Variants in CLOCK observed in about 807,000 individuals in gnomAD.
The protein encoded by CLOCK is circadian locomoter output cycles protein kaput.
CLOCK carries 43 observed loss-of-function variants against 118.4 expected under a neutral mutation model. The observed-to-expected ratio is 0.36, with a 90% CI of 0.28 to 0.47. The LOEUF (loss-of-function observed/expected upper bound fraction) is 0.47, where lower values mean the gene tolerates loss of function less well. Ranked by LOEUF, CLOCK falls within the 20% of genes least tolerant of loss-of-function variation. The pLI is 1.00. For synonymous variants in CLOCK, 326 were observed against 339.2 expected (o/e 0.96, Z 0.43); for missense variants, 846 against 999.9 (o/e 0.85, Z 2.08).
chr4:55,485,927 TC>T (rs1250839457), intron 3 of CLOCK, among the ~76,000 whole-genome samples: 1 of 151,944 alleles, frequency 6.6e-6, no homozygotes, highest in Non-Finnish European at 1.5e-5. Flanking sequence ...AAAACAAAGT[TC>T]CCCAACTATA....
chr4:55,485,076 G>GC, intron 3 of CLOCK, among the ~76,000 whole-genome samples: 2 of 152,016 alleles, frequency 1.3e-5, no homozygotes, highest in Middle Eastern at 3.4e-3. Flanking sequence ...TGATTCTCCT[G>GC]CCTCAGCCTC....
At chr4:55,499,565 GCTA>G (rs1393514726) in intron 2 of CLOCK, among the ~76,000 whole-genome samples, 1 of 152,248 alleles carries the variant, frequency 6.6e-6, no homozygotes, top group African/African-American at 2.4e-5. Context: ...ATCTAATGCT[GCTA>G]CTGATATGAC....
intron 1 of CLOCK, among the ~76,000 whole-genome samples, chr4:55,535,925 C>A (rs1730866601): frequency 1.3e-5 from 2 of 151,932 alleles, no homozygotes; most frequent in East Asian, 3.9e-4. Context: ...GGGTTAGAGG[C>A]TGAAAATTGA....
At chr4:55,464,324 T>C (rs1218419068) in intron 8 of CLOCK, among the ~76,000 whole-genome samples, 1 of 152,236 alleles carries the variant, frequency 6.6e-6, no homozygotes, top group Non-Finnish European at 1.5e-5. Context: ...AAAGGACAAC[T>C]AATATGTTAA....
rs754251039 is a variant in CLOCK, at chr4:55,443,725, T to C, written c.1864A>G (p.Met622Val). Reference protein sequence around the residue: ...NTGHIGTTQHMIQQQTLQSTS... With the variant: ...NTGHIGTTQHVIQQQTLQSTS... ...CTCTGTAAAGTCTGTTGTTGTATCATGTGCTGAGTTGTGCCAATGTGTCCA... is the reference window on the plus strand; with the variant it reads ...CTCTGTAAAGTCTGTTGTTGTATCACGTGCTGAGTTGTGCCAATGTGTCCA... The change falls in exon 20 of 23, where the codon ATG becomes GTG. Residue 622 changes from methionine to valine, a missense_variant. This residue lies in a region of CLOCK where 520 missense variants were observed against 558.0 expected (regional missense o/e 0.93). Transcript: ENST00000513440. The C allele has an allele frequency of 1.2e-6, 2 of 1,614,018 alleles. No individual in the cohort carries two copies. Among genetic ancestry groups the C allele is most frequent in the African/African-American group, 1.3e-5 (1 of 74,948 alleles).
chr4:55,471,238 A>G (rs965886591), intron 7 of CLOCK, among the ~76,000 whole-genome samples: 4 of 152,212 alleles, frequency 2.6e-5, no homozygotes, highest in African/African-American at 4.8e-5. Flanking sequence ...CTGAAGTTTA[A>G]GGAGATATAT....
intron 9 of CLOCK, among the ~76,000 whole-genome samples, chr4:55,459,821 C>T (rs1725200074): frequency 6.6e-6 from 1 of 152,104 alleles, no homozygotes; most frequent in African/African-American, 2.4e-5. Flanking sequence ...AGCCACCATG[C>T]CTGGCTAATT....
intron 2 of CLOCK, 129 bp downstream of exon 2, chr4:55,509,783 T>C (rs1444232181): frequency 6.6e-6 from 1 of 152,156 alleles, no homozygotes; most frequent in Non-Finnish European, 1.5e-5. Flanking sequence ...TAAAGATAAA[T>C]AAAAGCTGCC....
At chr4:55,519,813 T>A (rs1376975112) in intron 1 of CLOCK, among the ~76,000 whole-genome samples, 2 of 151,874 alleles carry the variant, frequency 1.3e-5, no homozygotes, top group Non-Finnish European at 2.9e-5. Flanking sequence ...TAAATAAACA[T>A]CATTGAACAT....
chr4:55,477,162 C>G (rs1382984803), intron 6 of CLOCK, among the ~76,000 whole-genome samples: 1 of 151,780 alleles, frequency 6.6e-6, no homozygotes, highest in Non-Finnish European at 1.5e-5. Context: ...ATATAAAATC[C>G]TTTTACCTTA....
intron 2 of CLOCK, among the ~76,000 whole-genome samples, chr4:55,491,602 C>A (rs1184697127): frequency 3.3e-5 from 5 of 151,980 alleles, no homozygotes. Context: ...TAGAAATATG[C>A]CATCTACCAC....
Position 55,470,739 on chromosome 4 carries a change from G to T in CLOCK, c.416C>A (p.Thr139Asn), listed in dbSNP as rs766067893. Residue 139 changes from threonine to asparagine, a missense_variant, in exon 8 of 23, where the codon ACT becomes AAT. By Grantham distance (65) the Thr-to-Asn change is moderately conservative. Transcript: ENST00000513440. ...TACTGGTAAATGTTCAAGTAATGAA[G>T]TTACACTCTCAGACACATATATTAT... ...GSIIYVSESV[T>N]SLLEHLPSDL... 1.6e-5 allele frequency: 25 copies of T among 1,607,830 alleles called. No individual in the cohort carries two copies. The highest frequency in any genetic ancestry group is 3.3e-5 in the Admixed American group (2 of 59,898).
chr4:55,463,388 T>C (rs1267292888), intron 9 of CLOCK, among the ~76,000 whole-genome samples: 1 of 152,092 alleles, frequency 6.6e-6, no homozygotes, highest in African/African-American at 2.4e-5. Flanking sequence ...TATTTATAAA[T>C]TAATAACTAT....
At chr4:55,444,815 T>C in intron 18 of CLOCK, 30 bp from the exon 19 acceptor site, 2 of 1,607,284 alleles carry the variant, frequency 1.2e-6, no homozygotes, top group South Asian at 1.1e-5. Flanking sequence ...AAAAGTGTAA[T>C]ATATTTTAGA....
chr4:55,546,459 C>T (rs1484986458), intron 1 of CLOCK: 2 of 152,126 alleles, frequency 1.3e-5, no homozygotes, highest in African/African-American at 4.8e-5. Context: ...CCCCCCGCTC[C>T]CTCCCCTTCC....
chr4:55,460,774 A>G (rs1029615610), intron 9 of CLOCK, among the ~76,000 whole-genome samples: 1 of 152,174 alleles, frequency 6.6e-6, no homozygotes, highest in African/African-American at 2.4e-5. Flanking sequence ...TTCGGTTATT[A>G]TCATCATAGA....
intron 1 of CLOCK, among the ~76,000 whole-genome samples, chr4:55,517,392 C>T (rs1297357185): frequency 6.6e-6 from 1 of 152,142 alleles, no homozygotes; most frequent in African/African-American, 2.4e-5. Flanking sequence ...GGCCTGTAGT[C>T]CCAGCTACTC....
At chr4:55,482,406 G>A (rs1051504074) in intron 4 of CLOCK, among the ~76,000 whole-genome samples, 1 of 152,150 alleles carries the variant, frequency 6.6e-6, no homozygotes, top group Non-Finnish European at 1.5e-5. Context: ...AAGGGATGAA[G>A]TTAGATAAGA....
chr4:55,536,617 G>A (rs544025022), intron 1 of CLOCK, among the ~76,000 whole-genome samples: 21 of 152,156 alleles, frequency 1.4e-4, no homozygotes, highest in South Asian at 6.2e-4. Flanking sequence ...AGCAGATGCC[G>A]GCACCATGCT....
Sources: gnomAD v4.1 joint callset for allele counts (sites outside exome capture counted in the v4.1 genomes callset) on GRCh38, gnomAD v4.1.1 for gene constraint, gnomAD v4.1.1 regional missense constraint, MANE v1.5 for transcripts, NCBI Gene and HGNC (gene_info 2026-07-23, HGNC 2026-07-21) for gene names.